The following ATP11A variants were observed in gnomAD, a reference collection of about 807,000 sequenced individuals.
The protein encoded by ATP11A is phospholipid-transporting ATPase IH.
A neutral mutation model predicts 154.4 loss-of-function variants in ATP11A; 81 were observed. The observed-to-expected ratio is 0.52, with a 90% CI of 0.44 to 0.63. The LOEUF is 0.63. ATP11A is among the 30% of genes least tolerant of loss of function. The probability of loss-of-function intolerance (pLI) is 0.00; values close to 1 mark genes in which losing one functional copy is unlikely to be tolerated. For missense variants in ATP11A, 1,316 were observed against 1,474.3 expected (o/e 0.89, Z 1.76); for synonymous variants, 623 against 585.9 (o/e 1.06, Z -0.91).
chr13:112,720,890 G>T (rs186488990), intron 1 of ATP11A, among the ~76,000 whole-genome samples: 10 of 152,270 alleles, frequency 6.6e-5, no homozygotes, highest in African/African-American at 2.4e-4. Context: ...GGGGCCAGGC[G>T]TGTTCAACCT....
chr13:112,828,132 C>T (rs367365), intron 12 of ATP11A, among the ~76,000 whole-genome samples: 5,163 of 20,944 alleles, frequency 0.25, 163 homozygotes, highest in African/African-American at 0.33. Context: ...CGCCCAGCAG[C>T]GTTGAGTAGG....
rs1393428689 is a variant in ATP11A, at chr13:112,878,308, T to C, written c.*9+5T>C. 3.0e-5 allele frequency: 48 copies of C among 1,613,722 alleles called. No individual in the cohort carries two copies. The highest frequency in any genetic ancestry group is 3.9e-5 in the Non-Finnish European group (46 of 1,179,972). On this transcript the variant is annotated splice_donor_5th_base_variant and intron_variant, in intron 29 of 29. Coordinates refer to ENST00000375645, the MANE Select transcript of ATP11A (RefSeq NM_015205.3). ...CTGAGTTTCTGATGGAACAAGGTGA[T>C]GCTCCTCTGCCTTCCACGCACCTGG...
intron 17 of ATP11A, among the ~76,000 whole-genome samples, chr13:112,843,090 T>C (rs1462759599): frequency 1.3e-5 from 2 of 148,276 alleles, no homozygotes; most frequent in African/African-American, 5.0e-5. Flanking sequence ...TGCTCCCTCC[T>C]GTGAGAGGTC....
chr13:112,710,596 C>T (rs1408392966), intron 1 of ATP11A, among the ~76,000 whole-genome samples: 1 of 152,190 alleles, frequency 6.6e-6, no homozygotes, highest in Non-Finnish European at 1.5e-5. Context: ...GCCAAGCAGG[C>T]CCCGCAGGGC....
chr13:112,834,516 A>G, intron 14 of ATP11A, 73 bp from the exon 15 acceptor site: 1 of 988,216 alleles, frequency 1.0e-6, no homozygotes, highest in Non-Finnish European at 1.6e-6. Context: ...TTACCAAAAT[A>G]TAAAGCAAAT....
intron 16 of ATP11A, among the ~76,000 whole-genome samples, chr13:112,836,838 G>T (rs1374772455): frequency 1.3e-5 from 2 of 152,202 alleles, no homozygotes; most frequent in South Asian, 2.1e-4. Context: ...ACACGGTTGG[G>T]CACTCTCCTG....
intron 1 of ATP11A, among the ~76,000 whole-genome samples, chr13:112,733,452 C>T (rs1334210520): frequency 1.3e-5 from 2 of 152,200 alleles, no homozygotes; most frequent in Non-Finnish European, 2.9e-5. Flanking sequence ...TTTTTACTAA[C>T]ACTGGATATT....
chr13:112,878,406 C>T (rs1479269155), intron 29 of ATP11A, 103 bp downstream of exon 29: 28 of 1,268,576 alleles, frequency 2.2e-5, no homozygotes, highest in Non-Finnish European at 3.1e-5. Context: ...ACGCAGCGTC[C>T]ACCAGGCGCT....
At chr13:112,768,994 G>A (rs1387536227) in intron 1 of ATP11A, among the ~76,000 whole-genome samples, 1 of 152,190 alleles carries the variant, frequency 6.6e-6, no homozygotes, top group Non-Finnish European at 1.5e-5. Context: ...TAACTGTGAA[G>A]GTGTGACCCA....
chr13:112,763,433 T>G (rs1380892068), intron 1 of ATP11A, among the ~76,000 whole-genome samples: 5 of 152,234 alleles, frequency 3.3e-5, no homozygotes, highest in Non-Finnish European at 7.3e-5. Flanking sequence ...TACCCTCACA[T>G]GACCGATAGC....
intron 15 of ATP11A, among the ~76,000 whole-genome samples, chr13:112,835,010 C>A (rs1436503637): frequency 1.3e-5 from 2 of 152,264 alleles, no homozygotes; most frequent in Non-Finnish European, 2.9e-5. Context: ...GCCCCTTTGC[C>A]TCCACGAGGG....
At chr13:112,742,433 C>T (rs956213546) in intron 1 of ATP11A, among the ~76,000 whole-genome samples, 5 of 152,042 alleles carry the variant, frequency 3.3e-5, no homozygotes, top group South Asian at 2.1e-4. Flanking sequence ...TGTGAGCACG[C>T]GGTGTCACAG....
rs149427317 is a variant in ATP11A, at chr13:112,708,935, G to C, written c.39+18480G>C. Among the ~76,000 whole-genome samples the C allele has an allele frequency of 3.2e-3, 492 of 152,324 alleles. 5 individuals are homozygous for C. The highest frequency in any genetic ancestry group is 0.031 in the East Asian group (162 of 5,176). On this transcript the variant is annotated intron_variant, in intron 1 of 29. Coordinates refer to ENST00000375645, the MANE Select transcript of ATP11A (RefSeq NM_015205.3). Reference sequence around the variant, plus strand: ...AGGAAGAGAGAGTGATTTGGTTCCTGTCTTAACTTGAAGACCCTCTGGGGC... The same window carrying C: ...AGGAAGAGAGAGTGATTTGGTTCCTCTCTTAACTTGAAGACCCTCTGGGGC...
intron 1 of ATP11A, among the ~76,000 whole-genome samples, chr13:112,770,752 ACGCGC>A: frequency 6.6e-6 from 1 of 152,338 alleles, no homozygotes; most frequent in Admixed American, 6.5e-5. Flanking sequence ...CACAGGCTCC[ACGCGC>A]CGCTTCCCTG....
Position 112,746,263 on chromosome 13 carries a change from G to A in ATP11A, c.40-38872G>A, listed in dbSNP as rs976454318. ...TAATTCTCTGAGGAACCTCCGTGCT[G>A]TCTCCATAGCAGCCGTGTCGTTTCA... On this transcript the variant is annotated intron_variant, in intron 1 of 29. Coordinates refer to ENST00000375645, the MANE Select transcript of ATP11A (RefSeq NM_015205.3). The surrounding 1 kb of genome is among the most constrained non-coding windows in gnomAD (Gnocchi z 4.1). 6.6e-6 allele frequency: 1 copy of A among 152,160 alleles called. No individual in the cohort carries two copies. Among genetic ancestry groups the A allele is most frequent in the African/African-American group, 2.4e-5 (1 of 41,410 alleles). 9.4% of individuals were successfully genotyped at this position (152,160 alleles called of 1,614,324 possible). A position where few individuals can be genotyped will look rare whatever the true frequency, so the allele number is the denominator to read the frequency against.
intron 1 of ATP11A, among the ~76,000 whole-genome samples, chr13:112,752,705 T>C (rs886530776): frequency 6.6e-6 from 1 of 152,244 alleles, no homozygotes; most frequent in Non-Finnish European, 1.5e-5. Context: ...CAGAATACCG[T>C]AATGTAGTTT....
At chr13:112,733,301 C>G (rs1396699497) in intron 1 of ATP11A, among the ~76,000 whole-genome samples, 1 of 152,178 alleles carries the variant, frequency 6.6e-6, no homozygotes, top group African/African-American at 2.4e-5. Context: ...TTCAGGCGCA[C>G]TGAGCATGCA....
rs1354406510 is a variant in ATP11A, at chr13:112,774,936, C to T, written c.40-10199C>T. Among the ~76,000 whole-genome samples, 7 of 151,952 alleles carry T rather than the reference C, an allele frequency of 4.6e-5. No individual in the cohort carries two copies. The East Asian group carries it at 1.2e-3, about 25-fold the overall frequency. Reference sequence around the variant, plus strand: ...CAGCTCCTCCCACCTTCCCCCGTCACGGGAGCCGCAGAGTTGCAAGACCCT... The same window carrying T: ...CAGCTCCTCCCACCTTCCCCCGTCATGGGAGCCGCAGAGTTGCAAGACCCT... On this transcript the variant is annotated intron_variant, in intron 1 of 29. Transcript: ENST00000375645.
Position 112,787,108 on chromosome 13 carries a change from C to CA in ATP11A, c.162+1851_162+1852insA, listed in dbSNP as rs1566480409. 9.3e-4 allele frequency among the ~76,000 whole-genome samples: 113 copies of CA among 121,498 alleles called. 3 individuals carry two copies. Among genetic ancestry groups the CA allele is most frequent in the African/African-American group, 4.1e-3 (102 of 24,644 alleles). 79.7% of individuals were successfully genotyped at this position (121,498 alleles called of 152,430 possible). A position where few individuals can be genotyped will look rare whatever the true frequency, so the allele number is the denominator to read the frequency against. On this transcript the variant is annotated intron_variant, in intron 2 of 29. Transcript: ENST00000375645. ...CTGTGGAGACCTACTTAATTCACAC[C>CA]GGTGTCCTGACGTGTAGACCCCTGT...
Sources: allele counts gnomAD v4.1 joint callset (sites outside exome capture counted in the v4.1 genomes callset), GRCh38; gene constraint gnomAD v4.1.1; non-coding constraint Gnocchi (gnomAD v3.1); transcripts MANE v1.5; gene names NCBI Gene and HGNC (gene_info 2026-07-23, HGNC 2026-07-21).